The following SMIM36 variants were observed in gnomAD, a reference collection of about 807,000 sequenced individuals.
SMIM36 encodes small integral membrane protein 36.
chr17:55,479,218 T>C (rs1435678804), intron 2 of SMIM36, among the ~76,000 whole-genome samples: 2 of 152,236 alleles, frequency 1.3e-5, no homozygotes, highest in African/African-American at 4.8e-5. Flanking sequence ...AGGAATGGAA[T>C]GTATCCTCCA....
chr17:55,518,817 G>C, the SMIM36 span, among the ~76,000 whole-genome samples: 1 of 150,872 alleles, frequency 6.6e-6, no homozygotes, highest in Non-Finnish European at 1.5e-5. Flanking sequence ...GTATGAGAGA[G>C]AAAAGGATAA....
the SMIM36 span, among the ~76,000 whole-genome samples, chr17:55,516,908 G>T: frequency 3.3e-5 from 5 of 152,188 alleles, no homozygotes; most frequent in South Asian, 1.0e-3. Context: ...CTAAGGGGAG[G>T]TGACAAGAGA....
At chr17:55,494,071 T>C (rs1179898596) in intron 1 of SMIM36, among the ~76,000 whole-genome samples, 1 of 152,154 alleles carries the variant, frequency 6.6e-6, no homozygotes, top group East Asian at 1.9e-4. Flanking sequence ...GAACAGTTTG[T>C]TTCCATAGGA....
At chr17:55,502,019 C>G (rs1303443784) in intron 1 of SMIM36, among the ~76,000 whole-genome samples, 1 of 151,752 alleles carries the variant, frequency 6.6e-6, no homozygotes, top group African/African-American at 2.4e-5. Context: ...TTCAGACCGG[C>G]TTAAAAAACG....
chr17:55,511,431 A>G lies in SMIM36; in HGVS notation c.-97T>C, dbSNP rs16956015. 1 of 396,786 alleles carries G rather than the reference A, an allele frequency of 2.5e-6. No homozygotes were observed. Among genetic ancestry groups the G allele is most frequent in the African/African-American group, 2.1e-5 (1 of 48,594 alleles). The allele number at this position is 396,786 out of a possible 1,614,324, so 24.6% of individuals were successfully genotyped here. A position where few individuals can be genotyped will look rare whatever the true frequency, so the allele number is the denominator to read the frequency against. On this transcript the variant is annotated 5_prime_UTR_variant, in exon 1 of 5. An upstream start codon of the reference 5' UTR is lost. Transcript: ENST00000636752. ...GATCTTAGAGCATCGGAATAGCTAC[A>G]TTGGCTCTGGAGTAAAAATACATTA...
At position 55,474,215 on chromosome 17, in the gene SMIM36, T is replaced by C. The variant is rs191547949; in HGVS notation, c.*347+4547A>G. Reference sequence around the variant, plus strand: ...AACTTGGTGTCTGAGGGGTTTTGTCTGCGGCTTGTCCTGCTACATTTCTTG... The same window carrying C: ...AACTTGGTGTCTGAGGGGTTTTGTCCGCGGCTTGTCCTGCTACATTTCTTG... On this transcript the variant is annotated intron_variant, in intron 3 of 4. Transcript: ENST00000636752. 2.6e-5 allele frequency among the ~76,000 whole-genome samples: 4 copies of C among 152,320 alleles called. No homozygotes were observed. In the East Asian group the frequency reaches 7.7e-4, roughly 29 times the overall value.
chr17:55,519,568 G>C, the SMIM36 span, among the ~76,000 whole-genome samples: 1 of 152,298 alleles, frequency 6.6e-6, no homozygotes, highest in Non-Finnish European at 1.5e-5. Flanking sequence ...AGAGTGTATA[G>C]CAGAAGGGCA....
At chr17:55,470,185 C>A (rs974356693) in intron 3 of SMIM36, among the ~76,000 whole-genome samples, 10 of 152,124 alleles carry the variant, frequency 6.6e-5, no homozygotes, top group African/African-American at 2.4e-4. Flanking sequence ...GTCCATCTTG[C>A]CCAGCAGCCA....
chr17:55,453,467 C>A (rs1012805544), intron 4 of SMIM36, among the ~76,000 whole-genome samples: 2 of 152,100 alleles, frequency 1.3e-5, no homozygotes, highest in African/African-American at 4.8e-5. Flanking sequence ...CAGCACTGAT[C>A]CAAATAAAAT....
chr17:55,510,948 T>C (rs1361481439), exon 1 of SMIM36: 3 of 396,684 alleles, frequency 7.6e-6, no homozygotes, highest in Non-Finnish European at 1.3e-5. Context: ...TCTCACTTCC[T>C]TCATCAAGCG....
At chr17:55,481,513 C>T (rs971095835) in intron 1 of SMIM36, among the ~76,000 whole-genome samples, 1 of 152,126 alleles carries the variant, frequency 6.6e-6, no homozygotes, top group African/African-American at 2.4e-5. Flanking sequence ...TACAATCCCT[C>T]CTGTTTTCGA....
chr17:55,466,165 T>C (rs1909231899), intron 4 of SMIM36, among the ~76,000 whole-genome samples: 2 of 149,954 alleles, frequency 1.3e-5, no homozygotes, highest in African/African-American at 4.9e-5. Context: ...TAATCCCAGC[T>C]ACTAGGGAGG....
chr17:55,497,488 A>G (rs1301037435), intron 1 of SMIM36, among the ~76,000 whole-genome samples: 1 of 151,934 alleles, frequency 6.6e-6, no homozygotes, highest in Non-Finnish European at 1.5e-5. Flanking sequence ...CTGGTCTCGA[A>G]CTCCTACCTC....
chr17:55,514,556 C>CGG (rs1237337979), upstream of SMIM36, among the ~76,000 whole-genome samples: 1 of 152,038 alleles, frequency 6.6e-6, no homozygotes, highest in East Asian at 1.9e-4. Context: ...CCCTTTTTCC[C>CGG]TCTCACCCTC....
At chr17:55,482,243 C>G (rs1567866624) in intron 1 of SMIM36, among the ~76,000 whole-genome samples, 2 of 152,180 alleles carry the variant, frequency 1.3e-5, no homozygotes, top group African/African-American at 4.8e-5. Context: ...TGTGTCCATA[C>G]TTTTTTCCTA....
chr17:55,470,513 T>G (rs1567864521), intron 3 of SMIM36, among the ~76,000 whole-genome samples: 1 of 152,152 alleles, frequency 6.6e-6, no homozygotes, highest in Non-Finnish European at 1.5e-5. Flanking sequence ...CTAAACCTCT[T>G]AAAACTCCCC....
At chr17:55,495,080 G>A (rs948316845) in intron 1 of SMIM36, among the ~76,000 whole-genome samples, 11 of 152,124 alleles carry the variant, frequency 7.2e-5, no homozygotes, top group African/African-American at 2.7e-4. Flanking sequence ...TATCCTTCAG[G>A]CCAGGCATAG....
At chr17:55,530,260 G>T in the SMIM36 span, among the ~76,000 whole-genome samples, 3 of 152,298 alleles carry the variant, frequency 2.0e-5, no homozygotes, top group African/African-American at 7.2e-5. Context: ...TAGGAGAGAG[G>T]AGGATTACAA....
intron 4 of SMIM36, among the ~76,000 whole-genome samples, chr17:55,457,045 C>T (rs969937870): frequency 6.6e-6 from 1 of 152,146 alleles, no homozygotes; most frequent in Non-Finnish European, 1.5e-5. Flanking sequence ...TGTTTTTCCT[C>T]AAACATGAGG....
Sources: gnomAD v4.1 joint callset for allele counts (sites outside exome capture counted in the v4.1 genomes callset) on GRCh38, gnomAD v4.1.1 for gene constraint, MANE v1.5 for transcripts, NCBI Gene and HGNC (gene_info 2026-07-23, HGNC 2026-07-21) for gene names.